SDK1: variants seen among roughly 807,000 people sequenced by gnomAD.
The protein encoded by SDK1 is protein sidekick-1.
Under a neutral mutation model 245.5 loss-of-function variants are expected in SDK1, and 157 were observed. That is an observed-to-expected ratio of 0.64 (90% CI 0.56 to 0.73). The LOEUF (loss-of-function observed/expected upper bound fraction) is 0.73, where lower values mean the gene tolerates loss of function less well. SDK1 is among the 30% of genes least tolerant of loss of function. The pLI is 0.00. For synonymous variants in SDK1, 1,647 were observed against 1,278.5 expected, an observed-to-expected ratio of 1.29 and a Z score of -6.15; for missense variants, 3,583 against 3,002.3, an observed-to-expected ratio of 1.19 and a Z score of -4.52.
At chr7:4,015,363 C>G (rs2128151174) in intron 16 of SDK1, among the ~76,000 whole-genome samples, 1 of 152,336 alleles carries the variant, frequency 6.6e-6, no homozygotes, top group East Asian at 1.9e-4. Flanking sequence ...ATAGTGATTA[C>G]AGATGGTGCT....
At chr7:4,228,823 C>T (rs112849354) in intron 40 of SDK1, among the ~76,000 whole-genome samples, 11,137 of 152,210 alleles carry the variant, frequency 0.073, 471 homozygotes, top group Middle Eastern at 0.12. Flanking sequence ...CAGGCGGGAG[C>T]CACTGCACCC....
chr7:3,489,153 G>T lies in SDK1; in HGVS notation c.299-129927G>T, dbSNP rs570709204. ...CTGGACCCAAGTGAACAGAATCAGA[G>T]TTCTCACTGAATTTAAGGCTAGGGG... On this transcript the variant is annotated intron_variant, in intron 1 of 44. Coordinates refer to ENST00000404826, the MANE Select transcript of SDK1 (RefSeq NM_152744.4). Among the ~76,000 whole-genome samples, 507 of 152,254 alleles carry T rather than the reference G, an allele frequency of 3.3e-3. 1 individual carries two copies. The highest frequency in any genetic ancestry group is 5.6e-3 in the Non-Finnish European group (380 of 68,026).
chr7:4,156,812 A>T (rs1780765981), intron 30 of SDK1, among the ~76,000 whole-genome samples: 1 of 152,160 alleles, frequency 6.6e-6, no homozygotes, highest in African/African-American at 2.4e-5. Flanking sequence ...CTGGGGGTCC[A>T]CAGGGCTCCA....
chr7:3,816,633 C>T (rs1004823891), intron 4 of SDK1, among the ~76,000 whole-genome samples: 1 of 151,872 alleles, frequency 6.6e-6, no homozygotes, highest in African/African-American at 2.4e-5. Flanking sequence ...GAGTCCAGGA[C>T]CAGATGGATT....
intron 1 of SDK1, among the ~76,000 whole-genome samples, chr7:3,510,211 G>A (rs36076521): frequency 0.06 from 9,125 of 152,256 alleles, 387 homozygotes; most frequent in East Asian, 0.21. Flanking sequence ...TAGTCACTGT[G>A]GTGTGGGAGC....
At chr7:3,520,350 C>G (rs1782895864) in intron 1 of SDK1, among the ~76,000 whole-genome samples, 1 of 152,142 alleles carries the variant, frequency 6.6e-6, no homozygotes, top group African/African-American at 2.4e-5. Context: ...CTGTGCAGCT[C>G]TCTGTTTGCT....
At chr7:3,564,643 A>G (rs185212518) in intron 1 of SDK1, among the ~76,000 whole-genome samples, 85 of 152,278 alleles carry the variant, frequency 5.6e-4, no homozygotes, top group African/African-American at 1.9e-3. Context: ...AGAAAAAAAT[A>G]TAAAATGTAA....
At chr7:4,247,764 C>T (rs1786990772) in intron 44 of SDK1, among the ~76,000 whole-genome samples, 2 of 152,218 alleles carry the variant, frequency 1.3e-5, no homozygotes, top group African/African-American at 4.8e-5. Flanking sequence ...CCCACCCCAG[C>T]CCCATGAGGT....
intron 4 of SDK1, among the ~76,000 whole-genome samples, chr7:3,677,220 G>A (rs1190942531): frequency 6.6e-6 from 1 of 152,130 alleles, no homozygotes; most frequent in Non-Finnish European, 1.5e-5. Context: ...GTGTGTGTGT[G>A]CATGTAGGTG....
At chr7:3,564,232 A>G (rs1779836355) in intron 1 of SDK1, among the ~76,000 whole-genome samples, 1 of 152,182 alleles carries the variant, frequency 6.6e-6, no homozygotes, top group South Asian at 2.1e-4. Flanking sequence ...CAGAATAATA[A>G]TAATAACACC....
chr7:4,237,780 C>T lies in SDK1; in HGVS notation c.6126C>T (p.Ser2042=). ...HGQNKKYKNC[S]TGKGISTMEE... is the part of the protein sequence containing the mutation. The stretch of plus-strand genomic sequence containing the variant: ...AGAATAAGAAGTATAAGAACTGCAG[C>T]ACAGGTGCAGGTCCAGCCCCTTCCT... Residue 2042 remains serine, a synonymous_variant, in exon 42 of 45, where the codon AGC becomes AGT. Transcript: ENST00000404826. 1.9e-6 allele frequency: 3 copies of T among 1,614,142 alleles called. No individual in the cohort carries two copies. Among genetic ancestry groups the T allele is most frequent in the East Asian group, 2.2e-5 (1 of 44,870 alleles).
Position 3,399,309 on chromosome 7 carries a change from T to C in SDK1, c.298+97425T>C, listed in dbSNP as rs546851234. Among the ~76,000 whole-genome samples, 20 of 152,246 alleles carry C rather than the reference T, an allele frequency of 1.3e-4. No individual in the cohort carries two copies. In the East Asian group the frequency reaches 3.9e-3, roughly 29 times the overall value. ...CCAGAGTTTTAATTTTGTTCCTTTT[T>C]GTGATGTCTGTCTCTTTCTTGACAT... On this transcript the variant is annotated intron_variant, in intron 1 of 44. Coordinates refer to ENST00000404826, the MANE Select transcript of SDK1 (RefSeq NM_152744.4).
intron 4 of SDK1, among the ~76,000 whole-genome samples, chr7:3,765,652 TAAC>T (rs1409487411): frequency 6.6e-6 from 1 of 152,244 alleles, no homozygotes; most frequent in African/African-American, 2.4e-5. Flanking sequence ...TGGAAGTATC[TAAC>T]AACTTCATTA....
rs549227528 is a variant in SDK1 at position 3,696,910 on chromosome 7, TAA to T, written c.713+54815_713+54816del. 7.5e-3 allele frequency among the ~76,000 whole-genome samples: 1,099 copies of T among 146,558 alleles called. 9 individuals are homozygous for T. The highest frequency in any genetic ancestry group is 0.026 in the African/African-American group (1,061 of 40,246). Reference sequence around the variant, plus strand: ...CTGATATTTACCATAGAAGTTCCTTTAAAAAAAAAAACTCATAAGTAATACGG... The same window carrying T: ...CTGATATTTACCATAGAAGTTCCTTTAAAAAAAAACTCATAAGTAATACGG... On this transcript the variant is annotated intron_variant, in intron 4 of 44. Coordinates refer to ENST00000404826, the MANE Select transcript of SDK1 (RefSeq NM_152744.4).
chr7:3,509,958 C>G (rs181201047), intron 1 of SDK1, among the ~76,000 whole-genome samples: 296 of 152,246 alleles, frequency 1.9e-3, no homozygotes, highest in Non-Finnish European at 3.0e-3. Flanking sequence ...ATGAAGGTCT[C>G]CGAGTCATGA....
intron 38 of SDK1, among the ~76,000 whole-genome samples, chr7:4,213,418 A>C (rs2128229029): frequency 6.6e-6 from 1 of 151,420 alleles, no homozygotes; most frequent in Non-Finnish European, 1.5e-5. Context: ...TCTCAAAAAA[A>C]AAAAAAGAAA....
chr7:3,450,576 C>T (rs1018416352), intron 1 of SDK1, among the ~76,000 whole-genome samples: 29 of 152,134 alleles, frequency 1.9e-4, no homozygotes, highest in Admixed American at 1.6e-3. Context: ...TTTATGAAAA[C>T]GAGGGGAGGA....
At chr7:3,629,496 T>A (rs979365821) in intron 2 of SDK1, among the ~76,000 whole-genome samples, 2 of 152,124 alleles carry the variant, frequency 1.3e-5, no homozygotes, top group African/African-American at 4.8e-5. Context: ...TACACAGGAC[T>A]CGGCGGAGTG....
At chr7:3,682,480 C>T (rs150751048) in intron 4 of SDK1, among the ~76,000 whole-genome samples, 11 of 6,600 alleles carry the variant, frequency 1.7e-3, no homozygotes, top group African/African-American at 4.4e-3. Context: ...AGCGTTCCCA[C>T]GGAGGCGCTC....
Sources: gnomAD v4.1 joint callset for allele counts (sites outside exome capture counted in the v4.1 genomes callset) on GRCh38, gnomAD v4.1.1 for gene constraint, MANE v1.5 for transcripts, NCBI Gene and HGNC (gene_info 2026-07-23, HGNC 2026-07-21) for gene names.